RAB24: variants seen among roughly 807,000 people sequenced by gnomAD.
The protein encoded by RAB24 is ras-related protein Rab-24.
RAB24 carries 9 observed loss-of-function variants against 31.4 expected under a neutral mutation model. The observed-to-expected ratio is 0.29, with a 90% CI of 0.17 to 0.50. The LOEUF (loss-of-function observed/expected upper bound fraction) is 0.50, where lower values mean the gene tolerates loss of function less well. Ranked by LOEUF, RAB24 falls within the 20% of genes least tolerant of loss-of-function variation. RAB24 has a pLI of 0.98. For synonymous variants in RAB24, 106 were observed against 94.1 expected (o/e 1.13, Z -0.73); for missense variants, 197 against 265.2 (o/e 0.74, Z 1.79).
At position 177,301,925 on chromosome 5, in the gene RAB24, C is replaced by T; in HGVS notation, c.547G>A (p.Glu183Lys). 3 of 1,614,136 alleles carry T rather than the reference C, an allele frequency of 1.9e-6. No homozygotes were observed. The highest frequency in any genetic ancestry group is 2.5e-6 in the Non-Finnish European group (3 of 1,179,946). The change falls in exon 7 of 8, where the codon GAG (glutamate) becomes AAG (lysine). Residue 183 changes from glutamate (E) to lysine (K), a missense_variant and splice_region_variant. This residue lies in a region of RAB24 where 148 missense variants were observed against 159.7 expected (regional missense o/e 0.93). Transcript: ENST00000303251. Reference protein sequence around the residue: ...VSVAAFQVMTEDKGVDLGQKP... With the variant: ...VSVAAFQVMTKDKGVDLGQKP... ...CCATAAAGGCTGGGGAAGCACACACCTGTCATCACCTGGAAGGCAGCCACA... is the reference window on the plus strand; with the variant it reads ...CCATAAAGGCTGGGGAAGCACACACTTGTCATCACCTGGAAGGCAGCCACA...
chr5:177,302,374 C>T (rs373591253), intron 5 of RAB24, 23 bp downstream of exon 5: 7 of 1,611,462 alleles, frequency 4.3e-6, no homozygotes, highest in Non-Finnish European at 5.9e-6. Context: ...CCCCCACCCC[C>T]CAAAGGGCTG....
At position 177,303,456 on chromosome 5, in the gene RAB24, A is replaced by T; in HGVS notation, c.-168T>A. On this transcript the variant is annotated 5_prime_UTR_variant, in exon 1 of 8. Coordinates refer to ENST00000303251, the MANE Select transcript of RAB24 (RefSeq NM_001031677.4). The surrounding 1 kb of genome is among the most constrained non-coding windows in gnomAD (Gnocchi z 6.1). ...GCTCGAGCTCTGGCCGTGGCCTTGC[A>T]CTTCGGCAGCGCCCCGTGTGCCCCC... 1.6e-6 allele frequency: 1 copy of T among 640,330 alleles called. No homozygotes were observed. Among genetic ancestry groups the T allele is most frequent in the South Asian group, 1.9e-5 (1 of 53,414 alleles). The allele number at this position is 640,330 out of a possible 1,614,324, so 39.7% of individuals were successfully genotyped here.
chr5:177,301,266 C>A lies in RAB24; in HGVS notation c.*477G>T. On this transcript the variant is annotated 3_prime_UTR_variant, in exon 8 of 8. Coordinates refer to ENST00000303251, the MANE Select transcript of RAB24 (RefSeq NM_001031677.4). ...CACTCTTTTCAGCACTCAGAAGGAACTGTGAGCTTTTATACTACTACAGCC... is the reference window on the plus strand; with the variant it reads ...CACTCTTTTCAGCACTCAGAAGGAAATGTGAGCTTTTATACTACTACAGCC... 1 of 176,482 alleles carries A rather than the reference C, an allele frequency of 5.7e-6. No individual in the cohort carries two copies. Among genetic ancestry groups the A allele is most frequent in the South Asian group, 1.1e-4 (1 of 9,476 alleles). The allele number at this position is 176,482 out of a possible 1,614,324, so 10.9% of individuals were successfully genotyped here.
In RAB24 at chr5:177,301,771, G is replaced by A; in HGVS notation, c.584C>T (p.Pro195Leu). The A allele has an allele frequency of 6.8e-6, 11 of 1,614,216 alleles. No homozygotes were observed. Among genetic ancestry groups the A allele is most frequent in the Admixed American group, 1.7e-5 (1 of 60,028 alleles). ...GTGATGACAACAGCTGTAGAAGTAG[G>A]GGTTTGGCTTCTGGCCCAGATCCAC... ...KGVDLGQKPN[P>L]YFYSCCHH is the part of the protein sequence containing the mutation. Residue 195 changes from proline to leucine, a missense_variant, in exon 8 of 8, where the codon CCC (proline) becomes CTC (leucine). Physicochemically the swap from Pro to Leu is moderately conservative, Grantham distance 98. Coordinates refer to ENST00000303251, the MANE Select transcript of RAB24 (RefSeq NM_001031677.4).
In RAB24 at chr5:177,301,997, A is replaced by T. The variant is rs1172813297; in HGVS notation, c.485-10T>A. 1 of 1,614,034 alleles carries T rather than the reference A, an allele frequency of 6.2e-7. No individual in the cohort carries two copies. Among genetic ancestry groups the T allele is most frequent in the Non-Finnish European group, 8.5e-7 (1 of 1,179,988 alleles). ...TTCTGGAAGAGCTCGTCTGGCAGGA[A>T]AAATGATGATCAGCGAGGGCCCAAT... On this transcript the variant is annotated splice_polypyrimidine_tract_variant and intron_variant, in intron 6 of 7. Transcript: ENST00000303251.
chr5:177,302,773 T>G lies in RAB24; in HGVS notation c.244A>C (p.Lys82Gln). Residue 82 changes from lysine to glutamine, a missense_variant, in exon 3 of 8, where the codon AAG becomes CAG. By Grantham distance (53) the Lys-to-Gln change is moderately conservative. Coordinates refer to ENST00000303251, the MANE Select transcript of RAB24 (RefSeq NM_001031677.4). ...AMSRIYYRGA[K>Q]AAIVCYDLTD... ...TTACCATAGCAGACGATGGCAGCCT[T>G]GGCACCCCGATAGTAGATTCTACTC... 1.9e-6 allele frequency: 2 copies of G among 1,071,190 alleles called. No homozygotes were observed. The highest frequency in any genetic ancestry group is 2.7e-6 in the Non-Finnish European group (2 of 745,732). 66.4% of individuals were successfully genotyped at this position (1,071,190 alleles called of 1,614,324 possible). A position where few individuals can be genotyped will look rare whatever the true frequency, so the allele number is the denominator to read the frequency against.
rs1562322623 is a variant in RAB24 at position 177,301,528 on chromosome 5, G to A, written c.*215C>T. 2 of 602,080 alleles carry A rather than the reference G, an allele frequency of 3.3e-6. No individual in the cohort carries two copies. The highest frequency in any genetic ancestry group is 3.0e-5 in the Admixed American group (1 of 33,770). 37.3% of individuals were successfully genotyped at this position (602,080 alleles called of 1,614,324 possible). On this transcript the variant is annotated 3_prime_UTR_variant, in exon 8 of 8. Transcript: ENST00000303251. The stretch of plus-strand genomic sequence containing the variant: ...TCTGCAGACACAAGTGCTGTCCAGG[G>A]CAGAAGCCTGGGGTCCAAATCAGCC...
intron 7 of RAB24, 26 bp downstream of exon 7, chr5:177,301,899 T>C: frequency 6.2e-7 from 1 of 1,613,478 alleles, no homozygotes; most frequent in Non-Finnish European, 8.5e-7. Flanking sequence ...AGAGTAAGTC[T>C]CCATAAAGGC....
rs201915973 is a variant in RAB24, at chr5:177,301,801, T to C, written c.554A>G (p.Lys185Arg). 1.5e-5 allele frequency: 24 copies of C among 1,614,208 alleles called. No homozygotes were observed. In the Admixed American group the frequency reaches 3.8e-4, roughly 26 times the overall value. The change falls in exon 8 of 8, where the codon AAG becomes AGG. Residue 185 changes from lysine to arginine, a missense_variant. By Grantham distance (26) the Lys-to-Arg change is conservative (BLOSUM62 2). This residue lies in a region of RAB24 where 148 missense variants were observed against 159.7 expected (regional missense o/e 0.93). Transcript: ENST00000303251. ...VAAFQVMTED[K>R]GVDLGQKPNP... The stretch of plus-strand genomic sequence containing the variant: ...TGGCTTCTGGCCCAGATCCACGCCC[T>C]TGTCCTCTGTCAAAAAGAGAGGTGG...
In RAB24 at chr5:177,301,710, C is replaced by G; in HGVS notation, c.*33G>C. On this transcript the variant is annotated 3_prime_UTR_variant, in exon 8 of 8. Transcript: ENST00000303251. ...CTGGGTCCAGCCCTTACGGGGAATT[C>G]CTTTAATTCCCCCAGGCCAGGTGAG... 6.2e-7 allele frequency: 1 copy of G among 1,609,388 alleles called. No homozygotes were observed. The highest frequency in any genetic ancestry group is 1.7e-5 in the Admixed American group (1 of 60,018).
chr5:177,302,143 T>C lies in RAB24; in HGVS notation c.469A>G (p.Thr157Ala). ...KAQLFETSSKTGQSVDELFQK... is the reference protein window; with the variant it reads ...KAQLFETSSKAGQSVDELFQK... ...CAGCACTCACCCACACTCTGGCCTGTCTTGCTGGATGTTTCAAAGAGCTGA... is the reference window on the plus strand; with the variant it reads ...CAGCACTCACCCACACTCTGGCCTGCCTTGCTGGATGTTTCAAAGAGCTGA... The change falls in exon 6 of 8, where the codon ACA becomes GCA. Residue 157 changes from threonine (T) to alanine (A), a missense_variant. Thr to Ala is a moderately conservative substitution (Grantham distance 58, BLOSUM62 0). Transcript: ENST00000303251. 6.2e-7 allele frequency: 1 copy of C among 1,614,218 alleles called. No homozygotes were observed. The highest frequency in any genetic ancestry group is 8.5e-7 in the Non-Finnish European group (1 of 1,180,014).
chr5:177,301,546 A>AATC lies in RAB24; in HGVS notation c.*194_*196dup. Reference sequence around the variant, plus strand: ...GTCCAGGGCAGAAGCCTGGGGTCCAAATCAGCCTTATCCCTCCTCATGCCC... The same window carrying AATC: ...GTCCAGGGCAGAAGCCTGGGGTCCAAATCATCAGCCTTATCCCTCCTCATGCCC... On this transcript the variant is annotated 3_prime_UTR_variant, in exon 8 of 8. Coordinates refer to ENST00000303251, the MANE Select transcript of RAB24 (RefSeq NM_001031677.4). 1.6e-6 allele frequency: 1 copy of AATC among 624,660 alleles called. No individual in the cohort carries two copies. The highest frequency in any genetic ancestry group is 1.9e-5 in the South Asian group (1 of 51,350). 38.7% of individuals were successfully genotyped at this position (624,660 alleles called of 1,614,324 possible).
intron 2 of RAB24, 75 bp from the exon 3 acceptor site, chr5:177,302,905 T>C (rs1760729856): frequency 6.3e-7 from 1 of 1,594,024 alleles, no homozygotes; most frequent in Non-Finnish European, 8.6e-7. Context: ...AGGAAACGGG[T>C]CTATGAGAAA....
chr5:177,303,477 C>T lies in RAB24; in HGVS notation c.-189G>A, dbSNP rs1289111404. ...TTGCACTTCGGCAGCGCCCCGTGTG[C>T]CCCCGCTGTTCGGCCCCGGGCGCCG... On this transcript the variant is annotated 5_prime_UTR_variant, in exon 1 of 8. Coordinates refer to ENST00000303251, the MANE Select transcript of RAB24 (RefSeq NM_001031677.4). This position sits in a 1 kb window ranked among gnomAD's most constrained non-coding sequence, Gnocchi z 6.1. The T allele has an allele frequency of 6.5e-6, 4 of 616,322 alleles. No individual in the cohort carries two copies. Among genetic ancestry groups the T allele is most frequent in the South Asian group, 3.9e-5 (2 of 51,774 alleles). The allele number at this position is 616,322 out of a possible 1,614,324, so 38.2% of individuals were successfully genotyped here. A position where few individuals can be genotyped will look rare whatever the true frequency, so the allele number is the denominator to read the frequency against.
chr5:177,301,849 G>C (rs746113021), intron 7 of RAB24, 42 bp from the exon 8 acceptor site: 1 of 1,613,458 alleles, frequency 6.2e-7, no homozygotes, highest in African/African-American at 1.3e-5. Context: ...ATTCTGTTGG[G>C]ATCAGGTAAC....
rs758281504 is a variant in RAB24, at chr5:177,302,373, C to G, written c.433+24G>C. ...CCCAGACAGCCACACACCCCCACCC[C>G]CCAAAGGGCTGAGGAGCAGCTACTG... On this transcript the variant is annotated intron_variant, in intron 5 of 7. Coordinates refer to ENST00000303251, the MANE Select transcript of RAB24 (RefSeq NM_001031677.4). 1.1e-5 allele frequency: 17 copies of G among 1,611,876 alleles called. No individual in the cohort carries two copies. The East Asian group carries it at 2.5e-4, about 23-fold the overall frequency.
At position 177,303,102 on chromosome 5, in the gene RAB24, G is replaced by A. The variant is rs765921433; in HGVS notation, c.118-25C>T. ...TCTGCAACGAGAGGGAAGAGATCGG[G>A]GCCATAGGTGCAGATTACCGGCCCC... On this transcript the variant is annotated intron_variant, in intron 1 of 7. Coordinates refer to ENST00000303251, the MANE Select transcript of RAB24 (RefSeq NM_001031677.4). This position sits in a 1 kb window ranked among gnomAD's most constrained non-coding sequence, Gnocchi z 6.1. 1 of 1,613,912 alleles carries A rather than the reference G, an allele frequency of 6.2e-7. No individual in the cohort carries two copies. Among genetic ancestry groups the A allele is most frequent in the South Asian group, 1.1e-5 (1 of 91,084 alleles).
intron 2 of RAB24, 56 bp from the exon 3 acceptor site, chr5:177,302,886 T>G: frequency 6.2e-7 from 1 of 1,602,164 alleles, no homozygotes; most frequent in Non-Finnish European, 8.5e-7. Flanking sequence ...CCCCGCTATT[T>G]TCCAGATAAG....
Position 177,301,735 on chromosome 5 carries a change from G to T in RAB24, c.*8C>A. On this transcript the variant is annotated 3_prime_UTR_variant, in exon 8 of 8. Transcript: ENST00000303251. ...CCTTTAATTCCCCCAGGCCAGGTGA[G>T]TGCTGACTCAGTGATGACAACAGCT... is the stretch of plus-strand genomic sequence containing the variant. 1.2e-6 allele frequency: 2 copies of T among 1,614,106 alleles called. No homozygotes were observed. Among genetic ancestry groups the T allele is most frequent in the Non-Finnish European group, 8.5e-7 (1 of 1,179,934 alleles).
Sources: gnomAD v4.1 joint callset for allele counts on GRCh38, gnomAD v4.1.1 for gene constraint, gnomAD v4.1.1 regional missense constraint, Gnocchi (gnomAD v3.1) non-coding constraint, MANE v1.5 for transcripts, NCBI Gene and HGNC (gene_info 2026-07-23, HGNC 2026-07-21) for gene names.